The following DCC variants were observed in gnomAD, a reference collection of about 807,000 sequenced individuals.
DCC encodes netrin receptor DCC.
Under a neutral mutation model 172.5 loss-of-function variants are expected in DCC, and 58 were observed. The ratio of observed to expected loss-of-function variants is 0.34; its 90% CI spans 0.27 to 0.42. DCC has a LOEUF of 0.42. Ranked by LOEUF, DCC falls within the 10% of genes least tolerant of loss-of-function variation. The probability of loss-of-function intolerance (pLI) is 1.00; values close to 1 mark genes in which losing one functional copy is unlikely to be tolerated. For missense variants in DCC, 1,740 were observed against 1,791.0 expected (o/e 0.97, Z 0.51); for synonymous variants, 709 against 644.5 (o/e 1.10, Z -1.52).
At chr18:53,256,311 T>G (rs1364114658) in intron 12 of DCC, among the ~76,000 whole-genome samples, 1 of 152,240 alleles carries the variant, frequency 6.6e-6, no homozygotes, top group Non-Finnish European at 1.5e-5. Flanking sequence ...CGAATGGCAT[T>G]GCCTAGGTTT....
chr18:52,555,409 C>G (rs1340148032), intron 1 of DCC, among the ~76,000 whole-genome samples: 1 of 152,068 alleles, frequency 6.6e-6, no homozygotes, highest in Non-Finnish European at 1.5e-5. Context: ...ATAGCATGGA[C>G]ATTAGAGTCA....
At chr18:52,610,664 T>C (rs1441070750) in intron 1 of DCC, among the ~76,000 whole-genome samples, 1 of 152,036 alleles carries the variant, frequency 6.6e-6, no homozygotes, top group East Asian at 1.9e-4. Flanking sequence ...ATTTTCGGCT[T>C]TGTGAGTCAT....
At chr18:52,954,456 A>G (rs570233667) in intron 5 of DCC, among the ~76,000 whole-genome samples, 3 of 152,256 alleles carry the variant, frequency 2.0e-5, no homozygotes, top group South Asian at 2.1e-4. Flanking sequence ...TCATTTGGGG[A>G]AAAATTACAG....
chr18:53,502,666 A>G (rs1039455238), intron 27 of DCC, among the ~76,000 whole-genome samples: 3 of 152,202 alleles, frequency 2.0e-5, no homozygotes, highest in African/African-American at 7.2e-5. Context: ...ACAAGAAAGG[A>G]CTGCATAATT....
intron 1 of DCC, among the ~76,000 whole-genome samples, chr18:52,543,658 T>C (rs1237055977): frequency 2.6e-5 from 4 of 152,180 alleles, no homozygotes; most frequent in African/African-American, 7.2e-5. Flanking sequence ...TCATAGATCA[T>C]CTTTGTCCCA....
intron 1 of DCC, among the ~76,000 whole-genome samples, chr18:52,570,899 A>C (rs1314041563): frequency 6.6e-6 from 1 of 152,172 alleles, no homozygotes; most frequent in Non-Finnish European, 1.5e-5. Flanking sequence ...TTTTGGTCAG[A>C]GAATAAGACT....
intron 1 of DCC, among the ~76,000 whole-genome samples, chr18:52,554,214 T>A (rs778953599): frequency 6.6e-6 from 1 of 152,068 alleles, no homozygotes; most frequent in African/African-American, 2.4e-5. Flanking sequence ...TAAAGAAAGA[T>A]AACTAGTGGG....
chr18:53,210,877 C>T (rs1310386634), intron 11 of DCC, among the ~76,000 whole-genome samples: 1 of 151,854 alleles, frequency 6.6e-6, no homozygotes, highest in Admixed American at 6.6e-5. Context: ...TTTAGCTCGG[C>T]TTTATTTTCT....
intron 24 of DCC, among the ~76,000 whole-genome samples, chr18:53,465,781 T>C (rs1435230819): frequency 1.3e-5 from 2 of 152,118 alleles, no homozygotes; most frequent in African/African-American, 2.4e-5. Flanking sequence ...ATTTATTTAC[T>C]TGAGATGGAG....
intron 1 of DCC, among the ~76,000 whole-genome samples, chr18:52,376,518 T>C (rs938728869): frequency 2.0e-5 from 3 of 152,140 alleles, no homozygotes; most frequent in Non-Finnish European, 4.4e-5. Context: ...TATATGTGTG[T>C]ACATGCACAT....
intron 1 of DCC, among the ~76,000 whole-genome samples, chr18:52,733,355 T>C (rs1287888281): frequency 6.6e-6 from 1 of 152,204 alleles, no homozygotes; most frequent in Non-Finnish European, 1.5e-5. Flanking sequence ...TGATATTTCT[T>C]GGTTCACAGT....
intron 5 of DCC, among the ~76,000 whole-genome samples, chr18:52,971,471 G>A (rs892131627): frequency 1.3e-5 from 2 of 151,718 alleles, no homozygotes; most frequent in African/African-American, 2.4e-5. Flanking sequence ...TGACAATATC[G>A]CCTTGAGATA....
At chr18:52,766,767 A>G (rs913309376) in intron 2 of DCC, among the ~76,000 whole-genome samples, 28 of 152,184 alleles carry the variant, frequency 1.8e-4, no homozygotes, top group Admixed American at 5.2e-4. Flanking sequence ...GGAAAAGGCA[A>G]CATTTGAGCA....
intron 12 of DCC, among the ~76,000 whole-genome samples, chr18:53,305,244 A>G (rs925508363): frequency 6.6e-6 from 1 of 152,176 alleles, no homozygotes; most frequent in Non-Finnish European, 1.5e-5. Flanking sequence ...CACCTTCCAA[A>G]TATTAGTTGA....
chr18:53,517,896 G>A (rs2046356359), intron 27 of DCC, among the ~76,000 whole-genome samples: 2 of 152,074 alleles, frequency 1.3e-5, no homozygotes, highest in African/African-American at 4.8e-5. Context: ...GGATGCCTGA[G>A]GCTATTGTGT....
intron 2 of DCC, among the ~76,000 whole-genome samples, chr18:52,758,395 G>A (rs975964221): frequency 2.0e-5 from 3 of 151,814 alleles, no homozygotes; most frequent in Admixed American, 6.6e-5. Context: ...TTTCATTCAG[G>A]GACATATTTT....
At chr18:52,372,244 A>G (rs1408587018) in intron 1 of DCC, among the ~76,000 whole-genome samples, 1 of 152,190 alleles carries the variant, frequency 6.6e-6, no homozygotes, top group African/African-American at 2.4e-5. Context: ...GCATAATACT[A>G]GACCCCGTGT....
chr18:52,678,004 G>A (rs77074349), intron 1 of DCC, among the ~76,000 whole-genome samples: 6 of 152,280 alleles, frequency 3.9e-5, no homozygotes, highest in South Asian at 4.1e-4. Context: ...TACTTATTGC[G>A]TGTATTACCT....
intron 25 of DCC, among the ~76,000 whole-genome samples, chr18:53,481,646 T>G (rs984643417): frequency 3.4e-4 from 51 of 152,224 alleles, no homozygotes; most frequent in Non-Finnish European, 1.0e-4. Context: ...TATCTTTGTC[T>G]CCTTCGTCTC....
Sources: allele counts gnomAD v4.1 joint callset (sites outside exome capture counted in the v4.1 genomes callset), GRCh38; gene constraint gnomAD v4.1.1; transcripts MANE v1.5; gene names NCBI Gene and HGNC (gene_info 2026-07-23, HGNC 2026-07-21).